NCMAP: variants seen among roughly 807,000 people sequenced by gnomAD.
NCMAP encodes non-compact myelin associated protein, also known as noncompact myelin-associated protein.
Under a neutral mutation model 7.8 loss-of-function variants are expected in NCMAP, and 8 were observed. The observed-to-expected ratio is 1.02, with a 90% confidence interval of 0.60 to 1.84. The LOEUF (loss-of-function observed/expected upper bound fraction) is 1.84. NCMAP is among the 40% of genes most tolerant of loss of function. The probability of loss-of-function intolerance (pLI) is 0.00; values close to 1 mark genes in which losing one functional copy is unlikely to be tolerated. For missense variants in NCMAP, 112 were observed against 131.4 expected (o/e 0.85, Z 0.72); for synonymous variants, 41 against 52.9 (o/e 0.78, Z 0.98).
chr1:24,567,535 ATACAG>A (rs912207916), intron 1 of NCMAP, among the ~76,000 whole-genome samples: 3 of 152,188 alleles, frequency 2.0e-5, no homozygotes, highest in African/African-American at 7.2e-5. Flanking sequence ...GGCCTGGTCT[ATACAG>A]TAAGGCTAAG....
intron 1 of NCMAP, among the ~76,000 whole-genome samples, chr1:24,556,490 G>C (rs1650900303): frequency 6.6e-6 from 1 of 152,172 alleles, no homozygotes; most frequent in Admixed American, 6.5e-5. Context: ...AAAGGGAGTC[G>C]ACCTTGACCC....
At chr1:24,604,573 TAAAAAAAAAAAAAAAAAAA>T (rs1159689184) in intron 3 of NCMAP, among the ~76,000 whole-genome samples, 3 of 11,058 alleles carry the variant, frequency 2.7e-4, no homozygotes, top group African/African-American at 4.5e-4. Context: ...TAAGACTGTC[TAAAAAAAAAAAAAAAAAAA>T]AAAAAAAAAA....
intron 1 of NCMAP, among the ~76,000 whole-genome samples, chr1:24,594,914 A>G (rs1652168628): frequency 1.3e-5 from 2 of 152,174 alleles, no homozygotes; most frequent in Admixed American, 1.3e-4. Context: ...TTTAAATCAT[A>G]GTTAATTTTT....
At chr1:24,565,572 TTGTGTGTGTGTG>T (rs58714256) in intron 1 of NCMAP, among the ~76,000 whole-genome samples, 9,234 of 143,730 alleles carry the variant, frequency 0.064, 361 homozygotes, top group Middle Eastern at 0.14. Context: ...TGATAGAAGA[TTGTGTGTGTGTG>T]TGTGTGTGTG....
At chr1:24,584,140 G>A (rs747436412) in intron 1 of NCMAP, among the ~76,000 whole-genome samples, 33 of 151,988 alleles carry the variant, frequency 2.2e-4, no homozygotes, top group South Asian at 8.3e-4. Flanking sequence ...CCCTCCCCCC[G>A]CCCCACAGGG....
intron 1 of NCMAP, among the ~76,000 whole-genome samples, chr1:24,592,639 C>T (rs902887035): frequency 6.6e-6 from 1 of 152,062 alleles, no homozygotes; most frequent in Non-Finnish European, 1.5e-5. Context: ...AGAACTGGGA[C>T]CAGGCGCAGT....
chr1:24,564,522 A>AAAC (rs1229659451), intron 1 of NCMAP, among the ~76,000 whole-genome samples: 1 of 148,394 alleles, frequency 6.7e-6, no homozygotes, highest in South Asian at 2.1e-4. Flanking sequence ...TCAAAAAAAA[A>AAAC]AAAAAAAAAA....
chr1:24,594,856 A>C (rs1473911516), intron 1 of NCMAP, among the ~76,000 whole-genome samples: 5 of 152,102 alleles, frequency 3.3e-5, no homozygotes, highest in African/African-American at 1.2e-4. Flanking sequence ...GCACCACTGC[A>C]CTCCAGCCTG....
intron 1 of NCMAP, among the ~76,000 whole-genome samples, chr1:24,586,983 T>G (rs1651900812): frequency 6.6e-6 from 1 of 152,174 alleles, no homozygotes; most frequent in African/African-American, 2.4e-5. Context: ...TTCATCTCAT[T>G]TAATTCTCAC....
intron 3 of NCMAP, among the ~76,000 whole-genome samples, chr1:24,601,415 T>G (rs1199347660): frequency 6.6e-6 from 1 of 152,228 alleles, no homozygotes; most frequent in African/African-American, 2.4e-5. Flanking sequence ...ACCCTGACTC[T>G]GCTTTCTGGA....
intron 1 of NCMAP, among the ~76,000 whole-genome samples, chr1:24,586,504 T>A (rs1031461735): frequency 1.1e-4 from 16 of 152,192 alleles, no homozygotes; most frequent in Non-Finnish European, 2.4e-4. Context: ...GGCTCACGCC[T>A]GTAATCCCAG....
At chr1:24,562,903 C>T (rs1160314409) in intron 1 of NCMAP, among the ~76,000 whole-genome samples, 1 of 152,240 alleles carries the variant, frequency 6.6e-6, no homozygotes, top group Non-Finnish European at 1.5e-5. Context: ...GCTTCCTGCC[C>T]TGGGGCTCAT....
intron 1 of NCMAP, among the ~76,000 whole-genome samples, chr1:24,562,077 A>G (rs1386105719): frequency 6.6e-6 from 1 of 152,166 alleles, no homozygotes; most frequent in African/African-American, 2.4e-5. Flanking sequence ...TTTAAGATCC[A>G]TGCCTACTCA....
intron 1 of NCMAP, among the ~76,000 whole-genome samples, chr1:24,586,759 CA>C (rs71577722): frequency 0.47 from 50,687 of 107,150 alleles, 9,004 homozygotes; most frequent in African/African-American, 0.53. Flanking sequence ...GACTCCATCT[CA>C]AAAAAAAAAA....
chr1:24,599,841 T>TGG (rs1652415504), intron 2 of NCMAP, among the ~76,000 whole-genome samples: 1 of 10,106 alleles, frequency 9.9e-5, no homozygotes, highest in Admixed American at 1.0e-3. Flanking sequence ...CCCCCCCCCT[T>TGG]GGCCTCCCAA....
intron 1 of NCMAP, among the ~76,000 whole-genome samples, chr1:24,585,180 G>T (rs1651846494): frequency 6.6e-6 from 1 of 152,142 alleles, no homozygotes; most frequent in African/African-American, 2.4e-5. Flanking sequence ...GCCATGAACA[G>T]ACAGGGCAGA....
intron 2 of NCMAP, among the ~76,000 whole-genome samples, chr1:24,596,555 G>A (rs547082567): frequency 1.0e-3 from 158 of 152,020 alleles, no homozygotes; most frequent in Non-Finnish European, 1.9e-3. Context: ...TGGTGGTGAC[G>A]CTCCTGGAGT....
chr1:24,566,186 C>T (rs1651223570), intron 1 of NCMAP, among the ~76,000 whole-genome samples: 2 of 152,168 alleles, frequency 1.3e-5, no homozygotes, highest in African/African-American at 4.8e-5. Context: ...CAGACTAATG[C>T]TCCCAGGCTG....
At chr1:24,579,572 A>C (rs1188715350) in intron 1 of NCMAP, among the ~76,000 whole-genome samples, 3 of 151,984 alleles carry the variant, frequency 2.0e-5, no homozygotes, top group Non-Finnish European at 4.4e-5. Flanking sequence ...CATCTCTACA[A>C]AACTAAAAAT....
Sources: allele counts gnomAD v4.1 joint callset (sites outside exome capture counted in the v4.1 genomes callset), GRCh38; gene constraint gnomAD v4.1.1; transcripts MANE v1.5; gene names NCBI Gene and HGNC (gene_info 2026-07-23, HGNC 2026-07-21).